The following CDHR4 variants were observed in gnomAD, a reference collection of about 807,000 sequenced individuals.
The protein encoded by CDHR4 is cadherin related family member 4.
CDHR4 carries 89 observed loss-of-function variants against 88.4 expected under a neutral mutation model. The observed-to-expected ratio is 1.01, with a 90% CI of 0.85 to 1.20. The LOEUF (loss-of-function observed/expected upper bound fraction) is 1.20, where lower values mean the gene tolerates loss of function less well. CDHR4 is among the 50% of genes most tolerant of loss of function. CDHR4 has a pLI of 0.00. For synonymous variants in CDHR4, 368 were observed against 399.2 expected (o/e 0.92, Z 0.93); for missense variants, 914 against 1,007.2 (o/e 0.91, Z 1.25).
At chr3:49,793,462 C>G in intron 12 of CDHR4, 121 bp downstream of exon 12, 1 of 1,468,948 alleles carries the variant, frequency 6.8e-7, no homozygotes, top group Non-Finnish European at 9.1e-7. Flanking sequence ...TTAGGCCCCA[C>G]TCTTCTCCAG....
chr3:49,798,583 G>A (rs1165276834), intron 4 of CDHR4: 14 of 495,580 alleles, frequency 2.8e-5, no homozygotes, highest in African/African-American at 9.8e-5. Context: ...GCAAGACTCC[G>A]TCTCAAAAAA....
chr3:49,802,244 G>A (rs1019588237), upstream of CDHR4, among the ~76,000 whole-genome samples: 2 of 151,654 alleles, frequency 1.3e-5, no homozygotes, highest in African/African-American at 4.8e-5. Flanking sequence ...CGCGATCTCC[G>A]CTCACTGCAA....
In CDHR4 at chr3:49,794,025, T is replaced by C; in HGVS notation, c.1280-19A>G. Reference sequence around the variant, plus strand: ...ACCTCAGCTGGAAGTCATTTGGCAGTCAAGGAGCTGGCCTGGGGTAACTAT... The same window carrying C: ...ACCTCAGCTGGAAGTCATTTGGCAGCCAAGGAGCTGGCCTGGGGTAACTAT... On this transcript the variant is annotated intron_variant, in intron 10 of 18. Transcript: ENST00000412678. The C allele has an allele frequency of 1.3e-6, 2 of 1,550,180 alleles. No individual in the cohort carries two copies. The highest frequency in any genetic ancestry group is 1.7e-6 in the Non-Finnish European group (2 of 1,146,460).
At position 49,799,157 on chromosome 3, in the gene CDHR4, C is replaced by T. The variant is rs755599195; in HGVS notation, c.241-1G>A. 3.8e-6 allele frequency: 6 copies of T among 1,583,322 alleles called. No homozygotes were observed. In the South Asian group the frequency reaches 4.6e-5, roughly 12 times the overall value. On this transcript the variant is annotated splice_acceptor_variant, in intron 2 of 18. Transcript: ENST00000412678. LOFTEE classifies it high-confidence loss of function. The stretch of plus-strand genomic sequence containing the variant: ...ACTGAGCAGAGCTGCTCAAGGTCAA[C>T]TGGGGTGGGTGGACAGTGCCATGTG...
rs1449947929 is a variant in CDHR4 at position 49,794,590 on chromosome 3, C to T, written c.1279+18G>A. 9 of 1,542,710 alleles carry T rather than the reference C, an allele frequency of 5.8e-6. No homozygotes were observed. Among genetic ancestry groups the T allele is most frequent in the Non-Finnish European group, 7.9e-6 (9 of 1,141,628 alleles). On this transcript the variant is annotated intron_variant, in intron 10 of 18. Transcript: ENST00000412678. Reference sequence around the variant, plus strand: ...AACAGCCTTGTCCTGGGTGTCCAGGCCGGGTGTGGTCACTCACTGGTCATC... The same window carrying T: ...AACAGCCTTGTCCTGGGTGTCCAGGTCGGGTGTGGTCACTCACTGGTCATC...
intron 4 of CDHR4, 66 bp downstream of exon 4, chr3:49,798,760 G>A (rs766821136): frequency 1.9e-5 from 28 of 1,497,636 alleles, no homozygotes; most frequent in Non-Finnish European, 2.5e-5. Flanking sequence ...CCAGGTGGGG[G>A]TTAATTTATT....
chr3:49,795,179 G>C lies in CDHR4; in HGVS notation c.1031+17C>G, dbSNP rs1167535000. The stretch of plus-strand genomic sequence containing the variant: ...GCTCTGACCCCAGCAGCCCAAGTAT[G>C]GTTCCCGGGTACTCACACCAGAAGC... On this transcript the variant is annotated intron_variant, in intron 8 of 18. Transcript: ENST00000412678. This position sits in a 1 kb window ranked among gnomAD's most constrained non-coding sequence, Gnocchi z 5.4. The C allele has an allele frequency of 2.6e-6, 4 of 1,551,578 alleles. No individual in the cohort carries two copies. Among genetic ancestry groups the C allele is most frequent in the South Asian group, 2.4e-5 (2 of 84,064 alleles).
In CDHR4 at chr3:49,791,447, C is replaced by G. The variant is rs1020309463; in HGVS notation, c.2305G>C (p.Asp769His). 1 of 1,546,620 alleles carries G rather than the reference C, an allele frequency of 6.5e-7. No individual in the cohort carries two copies. Among genetic ancestry groups the G allele is most frequent in the Non-Finnish European group, 8.7e-7 (1 of 1,145,620 alleles). ...TAGGAAGAGGGGGACTCACGGGAGT[C>G]CTGTGCTCTGCCATCAAAATGCTGC... is the stretch of plus-strand genomic sequence containing the variant. ...MSLHFDGRAQDSRTGRDYLFN... is the reference protein window; with the variant it reads ...MSLHFDGRAQHSRTGRDYLFN... The change falls in exon 18 of 19, where the codon GAC (aspartate) becomes CAC (histidine). Residue 769 changes from aspartate (D) to histidine (H), a missense_variant. Coordinates refer to ENST00000412678, the MANE Select transcript of CDHR4 (RefSeq NM_001007540.4).
At position 49,791,816 on chromosome 3, in the gene CDHR4, G is replaced by A. The variant is rs775782525; in HGVS notation, c.2196-15C>T. 1.4e-5 allele frequency: 21 copies of A among 1,551,522 alleles called. No individual in the cohort carries two copies. Among genetic ancestry groups the A allele is most frequent in the South Asian group, 2.4e-5 (2 of 84,056 alleles). On this transcript the variant is annotated splice_polypyrimidine_tract_variant and intron_variant, in intron 16 of 18. Transcript: ENST00000412678. ...TTCCCTGGATGCTGGGGCAAAGTAC[G>A]AGCAAGAGTACAGGGCAAGGCTCTG... is the stretch of plus-strand genomic sequence containing the variant.
At chr3:49,791,843 G>C in intron 16 of CDHR4, 42 bp from the exon 17 acceptor site, 1 of 1,551,366 alleles carries the variant, frequency 6.4e-7, no homozygotes, top group South Asian at 1.2e-5. Context: ...AAGGCTCTGG[G>C]CCCTAACCTG....
chr3:49,795,179 G>T lies in CDHR4; in HGVS notation c.1031+17C>A. 1 of 1,551,578 alleles carries T rather than the reference G, an allele frequency of 6.4e-7. No individual in the cohort carries two copies. The highest frequency in any genetic ancestry group is 8.7e-7 in the Non-Finnish European group (1 of 1,146,916). On this transcript the variant is annotated intron_variant, in intron 8 of 18. Coordinates refer to ENST00000412678, the MANE Select transcript of CDHR4 (RefSeq NM_001007540.4). The surrounding 1 kb of genome is among the most constrained non-coding windows in gnomAD (Gnocchi z 5.4). ...GCTCTGACCCCAGCAGCCCAAGTATGGTTCCCGGGTACTCACACCAGAAGC... is the reference window on the plus strand; with the variant it reads ...GCTCTGACCCCAGCAGCCCAAGTATTGTTCCCGGGTACTCACACCAGAAGC...
Position 49,794,989 on chromosome 3 carries a change from A to G in CDHR4, c.1143T>C (p.Ser381=), listed in dbSNP as rs575304684. Reference sequence around the variant, plus strand: ...AAAGGCAGAGGCTGGCAGGGTTGGAAGAGCTGCGGAACCACAGCTTGTAGT... The same window carrying G: ...AAAGGCAGAGGCTGGCAGGGTTGGAGGAGCTGCGGAACCACAGCTTGTAGT... ...TLDYKLWFRS[S]SNPASLCLYD... The change falls in exon 9 of 19, where the codon TCT becomes TCC. Residue 381 remains serine (S), a synonymous_variant. Coordinates refer to ENST00000412678, the MANE Select transcript of CDHR4 (RefSeq NM_001007540.4). 6.4e-7 allele frequency: 1 copy of G among 1,551,662 alleles called. No individual in the cohort carries two copies. Among genetic ancestry groups the G allele is most frequent in the South Asian group, 1.2e-5 (1 of 84,060 alleles).
At position 49,793,279 on chromosome 3, in the gene CDHR4, G is replaced by A. The variant is rs1384287963; in HGVS notation, c.1656C>T (p.Pro552=). ...DVNDHAPECE[P]PFQELTIYAP... Reference sequence around the variant, plus strand: ...CATAGATGGTGAGTTCCTGAAATGGGGGCTCACACTCGGGGGCATGGTCAT... The same window carrying A: ...CATAGATGGTGAGTTCCTGAAATGGAGGCTCACACTCGGGGGCATGGTCAT... Residue 552 remains proline (P), a synonymous_variant, in exon 13 of 19, where the codon CCC becomes CCT. Transcript: ENST00000412678. The A allele has an allele frequency of 1.9e-5, 30 of 1,551,482 alleles. No homozygotes were observed. The highest frequency in any genetic ancestry group is 2.6e-5 in the Non-Finnish European group (30 of 1,146,982).
Position 49,793,147 on chromosome 3 carries a change from C to G in CDHR4, c.1774+14G>C. On this transcript the variant is annotated intron_variant, in intron 13 of 18. Transcript: ENST00000412678. Reference sequence around the variant, plus strand: ...GCCCCTCACTCACAACCTGGTGGTGCCCATGTCCCCTACCTCCCACGATGC... The same window carrying G: ...GCCCCTCACTCACAACCTGGTGGTGGCCATGTCCCCTACCTCCCACGATGC... 1 of 1,551,170 alleles carries G rather than the reference C, an allele frequency of 6.4e-7. No individual in the cohort carries two copies. The highest frequency in any genetic ancestry group is 1.4e-5 in the African/African-American group (1 of 73,154).
chr3:49,797,145 A>C, intron 4 of CDHR4, 113 bp from the exon 5 acceptor site: 2 of 650,826 alleles, frequency 3.1e-6, no homozygotes, highest in Non-Finnish European at 5.4e-6. Flanking sequence ...CCTACACCCA[A>C]TTTATTTTCC....
At chr3:49,794,164 C>T (rs553608355) in intron 10 of CDHR4, among the ~76,000 whole-genome samples, 158 bp from the exon 11 acceptor site, 3 of 152,040 alleles carry the variant, frequency 2.0e-5, no homozygotes, top group Non-Finnish European at 4.4e-5. Context: ...TTTGGGAGGC[C>T]GAGGCGGGCA....
At chr3:49,794,322 C>T (rs1335029773) in intron 10 of CDHR4, among the ~76,000 whole-genome samples, 3 of 151,714 alleles carry the variant, frequency 2.0e-5, no homozygotes, top group East Asian at 1.9e-4. Flanking sequence ...GGCGTGAACC[C>T]GGGAGGCAGA....
chr3:49,793,832 G>A lies in CDHR4; in HGVS notation c.1454C>T (p.Pro485Leu). The change falls in exon 11 of 19, where the codon CCT (proline) becomes CTT (leucine). Residue 485 changes from proline to leucine, a missense_variant. Pro to Leu is a moderately conservative substitution (Grantham distance 98). Coordinates refer to ENST00000412678, the MANE Select transcript of CDHR4 (RefSeq NM_001007540.4). ...GAGACGGTCCACAGCAAAGGTGGTA[G>A]GACCACCAGAGGTGTAGTACTCAAT... ...DNIEYYTSGG[P>L]TTFAVDRLSG... 6.4e-7 allele frequency: 1 copy of A among 1,551,794 alleles called. No individual in the cohort carries two copies. Among genetic ancestry groups the A allele is most frequent in the African/African-American group, 1.4e-5 (1 of 73,198 alleles).
rs1222095740 is a variant in CDHR4, at chr3:49,795,606, C to G, written c.847+22G>C. 3.9e-6 allele frequency: 6 copies of G among 1,551,410 alleles called. No homozygotes were observed. The highest frequency in any genetic ancestry group is 5.2e-6 in the Non-Finnish European group (6 of 1,146,886). ...CCACAGAGGCATCCCAGTACCTGCC[C>G]CCACCCCCCAACACCTCTCACCACG... On this transcript the variant is annotated intron_variant, in intron 7 of 18. Coordinates refer to ENST00000412678, the MANE Select transcript of CDHR4 (RefSeq NM_001007540.4). This position sits in a 1 kb window ranked among gnomAD's most constrained non-coding sequence, Gnocchi z 5.4.
Sources: gnomAD v4.1 joint callset for allele counts (sites outside exome capture counted in the v4.1 genomes callset) on GRCh38, gnomAD v4.1.1 for gene constraint, Gnocchi (gnomAD v3.1) non-coding constraint, MANE v1.5 for transcripts, NCBI Gene and HGNC (gene_info 2026-07-23, HGNC 2026-07-21) for gene names.